Variants in NR2C1 observed in about 807,000 individuals in gnomAD.
NR2C1 encodes TR2 nuclear hormone receptor.
A neutral mutation model predicts 74.8 loss-of-function variants in NR2C1; 33 were observed. The ratio of observed to expected loss-of-function variants is 0.44; its 90% CI spans 0.33 to 0.59. The LOEUF (loss-of-function observed/expected upper bound fraction) is 0.59. NR2C1 is among the 20% of genes least tolerant of loss of function. NR2C1 has a pLI of 0.02. For synonymous variants in NR2C1, 225 were observed against 240.6 expected, an observed-to-expected ratio of 0.94 and a Z score of 0.60; for missense variants, 568 against 715.6, an observed-to-expected ratio of 0.79 and a Z score of 2.35.
chr12:95,022,129 A>G lies in NR2C1; in HGVS notation c.*100T>C. The G allele has an allele frequency of 1.1e-6, 1 of 950,718 alleles. No individual in the cohort carries two copies. The highest frequency in any genetic ancestry group is 2.4e-5 in the South Asian group (1 of 41,154). The allele number at this position is 950,718 out of a possible 1,614,324, so 58.9% of individuals were successfully genotyped here. On this transcript the variant is annotated 3_prime_UTR_variant, in exon 14 of 14. Transcript: ENST00000333003. ...ATACCTTGGATTCTGGTTACTTTTT[A>G]AAGTAAAAATTTCCAGATGCCTCAA...
chr12:95,045,544 A>C (rs187381028), intron 9 of NR2C1, among the ~76,000 whole-genome samples: 1 of 152,306 alleles, frequency 6.6e-6, no homozygotes, highest in South Asian at 2.1e-4. Context: ...AAATTCAAGC[A>C]ATGGAATGGT....
In NR2C1 at chr12:95,030,400, G is replaced by A. The variant is rs1869927920; in HGVS notation, c.1393+949C>T. On this transcript the variant is annotated intron_variant, in intron 11 of 13. Transcript: ENST00000333003. ...AAACACTGTTAAGAAGAAAAAAACTGAAGCAGAATAAAGTTTTACAATAAA... is the reference window on the plus strand; with the variant it reads ...AAACACTGTTAAGAAGAAAAAAACTAAAGCAGAATAAAGTTTTACAATAAA... 22 of 1,229,806 alleles carry A rather than the reference G, an allele frequency of 1.8e-5. No homozygotes were observed. The East Asian group carries it at 3.2e-4, about 18-fold the overall frequency. The allele number at this position is 1,229,806 out of a possible 1,614,324, so 76.2% of individuals were successfully genotyped here. A position where few individuals can be genotyped will look rare whatever the true frequency, so the allele number is the denominator to read the frequency against.
intron 7 of NR2C1, 61 bp downstream of exon 7, chr12:95,057,488 GAAGT>G: frequency 8.8e-7 from 1 of 1,136,838 alleles, no homozygotes; most frequent in Non-Finnish European, 1.3e-6. Context: ...CAAAGCAAAG[GAAGT>G]GATTAGAAAA....
intron 9 of NR2C1, among the ~76,000 whole-genome samples, chr12:95,047,233 G>A (rs1281023545): frequency 1.3e-5 from 2 of 152,100 alleles, no homozygotes; most frequent in Middle Eastern, 3.4e-3. Context: ...TTTAGAATAC[G>A]AAAGAACAAT....
At chr12:95,073,036 C>A (rs760182984) in intron 1 of NR2C1, 22 of 152,252 alleles carry the variant, frequency 1.4e-4, no homozygotes, top group Non-Finnish European at 2.5e-4. Flanking sequence ...AAAGCTGCAG[C>A]GCCGCGGAAG....
intron 9 of NR2C1, among the ~76,000 whole-genome samples, chr12:95,046,379 A>T (rs1419017580): frequency 6.6e-6 from 1 of 152,222 alleles, no homozygotes; most frequent in Non-Finnish European, 1.5e-5. Context: ...TGAGGCCAGG[A>T]GTATAAGATA....
chr12:95,030,686 T>C (rs758257528), intron 11 of NR2C1: 122 of 1,602,446 alleles, frequency 7.6e-5, no homozygotes, highest in Non-Finnish European at 8.8e-5. Flanking sequence ...CAATAAGAAA[T>C]AGAATATGCT....
At chr12:95,040,686 C>T (rs1871418974) in intron 9 of NR2C1, 89 bp from the exon 10 acceptor site, 1 of 1,195,318 alleles carries the variant, frequency 8.4e-7, no homozygotes, top group African/African-American at 1.5e-5. Context: ...CGTAACACAT[C>T]AAATGAGAGC....
Position 95,034,552 on chromosome 12 carries a change from C to T in NR2C1, c.1254-3064G>A, listed in dbSNP as rs982638378. On this transcript the variant is annotated intron_variant, in intron 10 of 13. Transcript: ENST00000333003. ...TACCCATCGAAAGTTGAAATGTGCACTTTCTTAGACCCAGCAATTTCACCT... is the reference window on the plus strand; with the variant it reads ...TACCCATCGAAAGTTGAAATGTGCATTTTCTTAGACCCAGCAATTTCACCT... 1.4e-4 allele frequency among the ~76,000 whole-genome samples: 22 copies of T among 152,264 alleles called. 1 individual carries two copies. Among genetic ancestry groups the T allele is most frequent in the African/African-American group, 5.3e-4 (22 of 41,562 alleles).
intron 3 of NR2C1, among the ~76,000 whole-genome samples, chr12:95,061,114 A>G (rs1469144568): frequency 6.6e-6 from 1 of 152,208 alleles, no homozygotes; most frequent in Non-Finnish European, 1.5e-5. Flanking sequence ...ATCCTACAAT[A>G]TACCTGGCCA....
chr12:95,049,370 T>G, intron 8 of NR2C1, 137 bp from the exon 9 acceptor site: 1 of 714,782 alleles, frequency 1.4e-6, no homozygotes. Context: ...TATGCCCGCC[T>G]CAGCCTTCCA....
intron 9 of NR2C1, among the ~76,000 whole-genome samples, chr12:95,043,494 G>C (rs1871865770): frequency 6.6e-6 from 1 of 151,986 alleles, no homozygotes; most frequent in African/African-American, 2.4e-5. Flanking sequence ...TTCAAGACCA[G>C]CCTGCCAATG....
chr12:95,059,986 T>TAAAAAAAAAAAC lies in NR2C1; in HGVS notation c.286-3_286-2insGTTTTTTTTTTT. 1 of 1,072,598 alleles carries TAAAAAAAAAAAC rather than the reference T, an allele frequency of 9.3e-7. No individual in the cohort carries two copies. 66.4% of individuals were successfully genotyped at this position (1,072,598 alleles called of 1,614,324 possible). A position where few individuals can be genotyped will look rare whatever the true frequency, so the allele number is the denominator to read the frequency against. On this transcript the variant is annotated splice_region_variant and splice_polypyrimidine_tract_variant and intron_variant, in intron 3 of 13. Coordinates refer to ENST00000333003, the MANE Select transcript of NR2C1 (RefSeq NM_003297.4). ...GTCTGGAGAATTATCTGTTAGGAGC[T>TAAAAAAAAAAAC]AAAAAAAAAAAAAAAAAAAAAGAAA...
chr12:95,044,130 G>C (rs1164202332), intron 9 of NR2C1, among the ~76,000 whole-genome samples: 1 of 152,176 alleles, frequency 6.6e-6, no homozygotes, highest in Non-Finnish European at 1.5e-5. Flanking sequence ...AATTAGAAAA[G>C]TTCAACATAT....
chr12:95,040,602 T>C lies in NR2C1; in HGVS notation c.1132-5A>G, dbSNP rs750157020. 3 of 1,602,410 alleles carry C rather than the reference T, an allele frequency of 1.9e-6. No individual in the cohort carries two copies. The highest frequency in any genetic ancestry group is 1.1e-5 in the South Asian group (1 of 88,660). On this transcript the variant is annotated splice_polypyrimidine_tract_variant and splice_region_variant and intron_variant, in intron 9 of 13. Coordinates refer to ENST00000333003, the MANE Select transcript of NR2C1 (RefSeq NM_003297.4). ...CATAGGAGAAGGCATGGTGAGCTAG[T>C]ATGAACAGGGATTTAGGTAAATTAT... is the stretch of plus-strand genomic sequence containing the variant.
intron 8 of NR2C1, among the ~76,000 whole-genome samples, chr12:95,051,021 T>C (rs1349886492): frequency 6.6e-6 from 1 of 152,220 alleles, no homozygotes; most frequent in Non-Finnish European, 1.5e-5. Context: ...ACCACATTTC[T>C]AATCTTCTAA....
At chr12:95,045,996 C>T (rs1055587773) in intron 9 of NR2C1, among the ~76,000 whole-genome samples, 5 of 151,974 alleles carry the variant, frequency 3.3e-5, no homozygotes, top group South Asian at 2.1e-4. Context: ...TGCACCACTA[C>T]GCCTGGCTAA....
intron 3 of NR2C1, among the ~76,000 whole-genome samples, chr12:95,060,569 C>A (rs755468019): frequency 4.6e-5 from 7 of 152,098 alleles, no homozygotes; most frequent in Non-Finnish European, 1.5e-5. Flanking sequence ...GCAGGAGAAT[C>A]GCTTGAACCC....
intron 10 of NR2C1, among the ~76,000 whole-genome samples, chr12:95,038,826 T>C (rs1275704524): frequency 1.3e-5 from 2 of 152,178 alleles, no homozygotes; most frequent in Admixed American, 6.5e-5. Context: ...TTCTGTATCC[T>C]CACTATATTT....
Sources: allele counts gnomAD v4.1 joint callset (sites outside exome capture counted in the v4.1 genomes callset), GRCh38; gene constraint gnomAD v4.1.1; transcripts MANE v1.5; gene names NCBI Gene and HGNC (gene_info 2026-07-23, HGNC 2026-07-21).